The following TBC1D5 variants were observed in gnomAD, a reference collection of about 807,000 sequenced individuals.
TBC1D5 encodes TBC1 domain family member 5.
Under a neutral mutation model 100.3 loss-of-function variants are expected in TBC1D5, and 75 were observed. The observed-to-expected ratio is 0.75, with a 90% CI of 0.62 to 0.91. TBC1D5 has a LOEUF of 0.91. Ranked by LOEUF, TBC1D5 falls within the 40% of genes least tolerant of loss-of-function variation. The pLI, the probability that TBC1D5 is intolerant of heterozygous loss-of-function variation, is 0.00. For synonymous variants in TBC1D5, 323 were observed against 325.6 expected (o/e 0.99, Z 0.09); for missense variants, 910 against 942.4 (o/e 0.97, Z 0.45).
intron 1 of TBC1D5, among the ~76,000 whole-genome samples, chr3:17,725,406 G>A (rs779875285): frequency 2.7e-5 from 4 of 149,736 alleles, no homozygotes; most frequent in Non-Finnish European, 4.4e-5. Context: ...TTTTTTTTTA[G>A]GTCCAAGGCA....
intron 2 of TBC1D5, among the ~76,000 whole-genome samples, chr3:17,521,720 A>AT (rs1263156806): frequency 6.6e-6 from 1 of 152,216 alleles, no homozygotes; most frequent in Non-Finnish European, 1.5e-5. Flanking sequence ...ATAAAATATT[A>AT]TGTTAACTCT....
rs192587104 is a variant in TBC1D5, at chr3:17,424,260, T to G, written c.167+4190A>C. Among the ~76,000 whole-genome samples the G allele has an allele frequency of 1.0e-3, 154 of 152,322 alleles. 2 individuals carry two copies. The South Asian group carries it at 0.018, about 18-fold the overall frequency. On this transcript the variant is annotated intron_variant, in intron 4 of 21. Coordinates refer to ENST00000253692, the Ensembl canonical transcript of TBC1D5. The stretch of plus-strand genomic sequence containing the variant: ...GCAGCTGGTACTACAGCTAAACAGA[T>G]TAATGTAATAGTCTGTAGTCATATG...
chr3:17,219,491 T>A (rs574794265), intron 17 of TBC1D5, among the ~76,000 whole-genome samples: 1 of 149,056 alleles, frequency 6.7e-6, no homozygotes, highest in Admixed American at 6.7e-5. Flanking sequence ...TTTTTTTTTT[T>A]CCTCATACCT....
At chr3:17,603,086 C>T (rs1406523287) in intron 2 of TBC1D5, among the ~76,000 whole-genome samples, 4 of 151,824 alleles carry the variant, frequency 2.6e-5, no homozygotes, top group African/African-American at 9.7e-5. Flanking sequence ...TGTGGACTAT[C>T]TCCATCCTCT....
At chr3:17,372,233 C>G in exon 13 of TBC1D5, 1 of 1,608,986 alleles carries the variant, frequency 6.2e-7, no homozygotes, top group Non-Finnish European at 8.5e-7. Flanking sequence ...TGGGAGTCAT[C>G]AGTGTTTCTT....
In TBC1D5 at chr3:17,699,677, T is replaced by C. The variant is rs555600915; in HGVS notation, c.-101+39666A>G. Among the ~76,000 whole-genome samples the C allele has an allele frequency of 2.4e-4, 24 of 98,634 alleles. 1 individual carries two copies. The East Asian group carries it at 0.12, about 507-fold the overall frequency. 64.7% of individuals were successfully genotyped at this position (98,634 alleles called of 152,430 possible). A position where few individuals can be genotyped will look rare whatever the true frequency, so the allele number is the denominator to read the frequency against. On this transcript the variant is annotated intron_variant, in intron 1 of 21. Coordinates refer to ENST00000253692, the Ensembl canonical transcript of TBC1D5. The stretch of plus-strand genomic sequence containing the variant: ...TGTTAAATAAGAAACTCAGTATATG[T>C]AGATCCTCCAGTCTCTTGGATTTAC...
intron 18 of TBC1D5, among the ~76,000 whole-genome samples, chr3:17,209,036 T>C (rs374241787): frequency 6.6e-5 from 10 of 152,260 alleles, no homozygotes; most frequent in Admixed American, 3.3e-4. Flanking sequence ...GTTCCTGTTA[T>C]GAAGAACAGT....
At chr3:17,214,364 C>A in exon 18 of TBC1D5, 2 of 1,610,944 alleles carry the variant, frequency 1.2e-6, no homozygotes, top group East Asian at 2.2e-5. Context: ...GTTTTTAGAA[C>A]TTAGCCCTGT....
At chr3:17,384,209 T>C (rs1168754276) in intron 8 of TBC1D5, among the ~76,000 whole-genome samples, 194 bp from the exon 9 acceptor site, 1 of 152,028 alleles carries the variant, frequency 6.6e-6, no homozygotes, top group Non-Finnish European at 1.5e-5. Context: ...CAGAGGTAAA[T>C]TACATCCTTC....
At chr3:17,535,782 A>G (rs1341572016) in intron 2 of TBC1D5, among the ~76,000 whole-genome samples, 1 of 152,182 alleles carries the variant, frequency 6.6e-6, no homozygotes, top group East Asian at 1.9e-4. Context: ...ATCTCTCACT[A>G]TTACTTCATT....
intron 17 of TBC1D5, among the ~76,000 whole-genome samples, chr3:17,227,244 G>A (rs2074988528): frequency 1.3e-5 from 2 of 152,108 alleles, no homozygotes; most frequent in Admixed American, 1.3e-4. Flanking sequence ...GTGGGTCAGG[G>A]AGGGTCCTCT....
chr3:17,530,105 A>G (rs901608675), intron 2 of TBC1D5, among the ~76,000 whole-genome samples: 1 of 152,006 alleles, frequency 6.6e-6, no homozygotes, highest in Non-Finnish European at 1.5e-5. Flanking sequence ...TTAGCCAGAC[A>G]TGGTGGCACA....
chr3:17,693,925 C>G (rs920174271), intron 1 of TBC1D5, among the ~76,000 whole-genome samples: 2 of 152,174 alleles, frequency 1.3e-5, no homozygotes, highest in Non-Finnish European at 2.9e-5. Context: ...TGTTCTGCAG[C>G]CTCCGCTGGT....
At chr3:17,512,323 A>T (rs974872625) in intron 2 of TBC1D5, among the ~76,000 whole-genome samples, 3 of 152,066 alleles carry the variant, frequency 2.0e-5, no homozygotes, top group African/African-American at 4.8e-5. Flanking sequence ...TAGTCTAAAA[A>T]TTTTTAAACA....
At chr3:17,565,296 T>TATC (rs1003702694) in intron 2 of TBC1D5, among the ~76,000 whole-genome samples, 1 of 152,070 alleles carries the variant, frequency 6.6e-6, no homozygotes, top group Non-Finnish European at 1.5e-5. Flanking sequence ...CCTTAAGGAG[T>TATC]ATCAGTTAAT....
chr3:17,280,524 G>C (rs1050111401), intron 15 of TBC1D5, among the ~76,000 whole-genome samples: 1 of 152,186 alleles, frequency 6.6e-6, no homozygotes, highest in Non-Finnish European at 1.5e-5. Context: ...GAGAAGAGGA[G>C]AAGCAGCTAG....
chr3:17,235,524 T>A (rs2075786910), intron 17 of TBC1D5, among the ~76,000 whole-genome samples: 1 of 152,242 alleles, frequency 6.6e-6, no homozygotes, highest in Non-Finnish European at 1.5e-5. Flanking sequence ...CCAGGTGATA[T>A]GCTTGCAGCT....
At chr3:17,182,710 G>T (rs1391295542) in intron 19 of TBC1D5, among the ~76,000 whole-genome samples, 1 of 152,040 alleles carries the variant, frequency 6.6e-6, no homozygotes, top group Non-Finnish European at 1.5e-5. Context: ...ATTTAAACAA[G>T]TAACCATAAT....
At chr3:17,585,955 G>T (rs544987345) in intron 2 of TBC1D5, among the ~76,000 whole-genome samples, 1 of 152,032 alleles carries the variant, frequency 6.6e-6, no homozygotes, top group Non-Finnish European at 1.5e-5. Flanking sequence ...ACTTCTTTAA[G>T]AAATGGTGGG....
Sources: allele counts gnomAD v4.1 joint callset (sites outside exome capture counted in the v4.1 genomes callset), GRCh38; gene constraint gnomAD v4.1.1; transcripts MANE v1.5; gene names NCBI Gene and HGNC (gene_info 2026-07-23, HGNC 2026-07-21).